LRRTM4: variants seen among roughly 807,000 people sequenced by gnomAD.
LRRTM4 encodes the protein leucine rich repeat transmembrane neuronal 4.
LRRTM4 carries 25 observed loss-of-function variants against 47.6 expected under a neutral mutation model. The ratio of observed to expected loss-of-function variants is 0.53; its 90% CI spans 0.38 to 0.73. The LOEUF (loss-of-function observed/expected upper bound fraction) is 0.73, where lower values mean the gene tolerates loss of function less well. Among genes scored for constraint, LRRTM4 ranks in the 30% least tolerant of loss-of-function variants. The pLI is 0.00. For synonymous variants in LRRTM4, 311 were observed against 269.5 expected (o/e 1.15, Z -1.51); for missense variants, 638 against 713.4 (o/e 0.89, Z 1.20).
chr2:76,872,736 A>T (rs909193728), intron 3 of LRRTM4, among the ~76,000 whole-genome samples: 3 of 152,018 alleles, frequency 2.0e-5, no homozygotes, highest in Non-Finnish European at 4.4e-5. Context: ...CTAATGTAGG[A>T]GGTGAGACCT....
intron 3 of LRRTM4, among the ~76,000 whole-genome samples, chr2:77,256,902 A>G (rs1256696078): frequency 6.6e-6 from 1 of 152,112 alleles, no homozygotes; most frequent in Non-Finnish European, 1.5e-5. Context: ...AACAGACACA[A>G]AAACCCTTAA....
chr2:77,080,236 T>C (rs190461228), intron 3 of LRRTM4, among the ~76,000 whole-genome samples: 4 of 152,324 alleles, frequency 2.6e-5, no homozygotes, highest in Admixed American at 2.0e-4. Flanking sequence ...TACATCTGAT[T>C]TCCCCCTTAC....
intron 3 of LRRTM4, among the ~76,000 whole-genome samples, chr2:77,500,347 A>T (rs553184211): frequency 6.6e-6 from 1 of 151,916 alleles, no homozygotes; most frequent in East Asian, 1.9e-4. Flanking sequence ...ATGGGAAAAA[A>T]TGTATTATTT....
intron 3 of LRRTM4, among the ~76,000 whole-genome samples, chr2:76,905,108 G>C (rs893657269): frequency 6.6e-6 from 1 of 152,122 alleles, no homozygotes; most frequent in Non-Finnish European, 1.5e-5. Context: ...CCCAGTAGGG[G>C]CAGACTGACA....
chr2:76,875,685 A>G (rs1175761770), intron 3 of LRRTM4, among the ~76,000 whole-genome samples: 1 of 152,186 alleles, frequency 6.6e-6, no homozygotes, highest in Non-Finnish European at 1.5e-5. Flanking sequence ...GAACTATCTT[A>G]ATACCTAATT....
At chr2:77,059,648 G>A (rs936785141) in intron 3 of LRRTM4, among the ~76,000 whole-genome samples, 1 of 152,110 alleles carries the variant, frequency 6.6e-6, no homozygotes, top group Non-Finnish European at 1.5e-5. Flanking sequence ...TCTGTTATGG[G>A]CATGTTCTGT....
chr2:77,461,792 G>A (rs1676797851), intron 3 of LRRTM4, among the ~76,000 whole-genome samples: 1 of 152,030 alleles, frequency 6.6e-6, no homozygotes, highest in African/African-American at 2.4e-5. Flanking sequence ...TGGGAATACT[G>A]AATTACACTG....
intron 3 of LRRTM4, among the ~76,000 whole-genome samples, chr2:77,169,349 A>T (rs1461632683): frequency 6.6e-6 from 1 of 152,068 alleles, no homozygotes; most frequent in East Asian, 1.9e-4. Context: ...CTATTTTTGA[A>T]TTTTTTTAGA....
intron 3 of LRRTM4, among the ~76,000 whole-genome samples, chr2:77,076,508 A>G (rs1050745510): frequency 8.5e-5 from 13 of 152,178 alleles, no homozygotes; most frequent in African/African-American, 2.7e-4. Flanking sequence ...AACTGTCACG[A>G]TAATGAGAAG....
chr2:76,925,959 A>G (rs577541233), intron 3 of LRRTM4, among the ~76,000 whole-genome samples: 30 of 152,262 alleles, frequency 2.0e-4, no homozygotes, highest in African/African-American at 6.7e-4. Context: ...TCCTCTTTTA[A>G]AAGTAATATT....
chr2:77,126,581 G>A (rs1302945930), intron 3 of LRRTM4, among the ~76,000 whole-genome samples: 1 of 152,102 alleles, frequency 6.6e-6, no homozygotes, highest in Non-Finnish European at 1.5e-5. Flanking sequence ...TTCCCTTCAT[G>A]GGAAATCAAT....
chr2:77,436,417 T>G (rs996000168), intron 3 of LRRTM4, among the ~76,000 whole-genome samples: 1 of 151,944 alleles, frequency 6.6e-6, no homozygotes, highest in African/African-American at 2.4e-5. Flanking sequence ...AAATTAATTA[T>G]ATGTGATTTT....
In LRRTM4 at chr2:77,519,667, A is replaced by G. The variant is rs765386336; in HGVS notation, c.202T>C (p.Leu68=). The G allele has an allele frequency of 1.2e-6, 2 of 1,613,450 alleles. No homozygotes were observed. Among genetic ancestry groups the G allele is most frequent in the South Asian group, 1.1e-5 (1 of 91,074 alleles). Residue 68 remains leucine, a synonymous_variant, in exon 3 of 4, where the codon TTA becomes CTA. Transcript: ENST00000409884. The surrounding 1 kb of genome is among the most constrained non-coding windows in gnomAD (Gnocchi z 4.6). ...NISGGSQGLS[L]RFNSIQKLKS... ...AGCTTCTGAATGCTGTTGAACCTTA[A>G]TGATAAGCCTTGTGACCCTCCAGAA... is the stretch of plus-strand genomic sequence containing the variant.
At chr2:76,913,025 C>T (rs1488468229) in intron 3 of LRRTM4, among the ~76,000 whole-genome samples, 2 of 152,126 alleles carry the variant, frequency 1.3e-5, no homozygotes, top group Non-Finnish European at 2.9e-5. Context: ...ATATAGGGGT[C>T]CATTTTCCTA....
At position 77,356,480 on chromosome 2, in the gene LRRTM4, A is replaced by T. The variant is rs78146621; in HGVS notation, c.1551+161838T>A. Among the ~76,000 whole-genome samples, 24 of 152,332 alleles carry T rather than the reference A, an allele frequency of 1.6e-4. No homozygotes were observed. The East Asian group carries it at 4.6e-3, about 29-fold the overall frequency. On this transcript the variant is annotated intron_variant, in intron 3 of 3. Coordinates refer to ENST00000409884, the MANE Select transcript of LRRTM4 (RefSeq NM_001134745.3). ...ACCTCAGAGTTAGAAAAAATGCAGA[A>T]GTATCAAAGGGAACAGAAGTATCAA...
chr2:76,875,233 T>C (rs1350384035), intron 3 of LRRTM4, among the ~76,000 whole-genome samples: 1 of 152,148 alleles, frequency 6.6e-6, no homozygotes, highest in East Asian at 1.9e-4. Context: ...TAATCATTTC[T>C]GTGGTAAGAT....
chr2:76,911,207 C>T (rs1052578373), intron 3 of LRRTM4, among the ~76,000 whole-genome samples: 2 of 152,048 alleles, frequency 1.3e-5, no homozygotes, highest in Non-Finnish European at 2.9e-5. Context: ...AAAAGGAAAC[C>T]TTTGACAAGA....
At chr2:76,957,840 TATG>T (rs1217030867) in intron 3 of LRRTM4, among the ~76,000 whole-genome samples, 2 of 151,728 alleles carry the variant, frequency 1.3e-5, no homozygotes, top group Non-Finnish European at 2.9e-5. Flanking sequence ...CATATGTGCT[TATG>T]ATATGGTTTG....
At chr2:77,184,610 C>T (rs1429188436) in intron 3 of LRRTM4, among the ~76,000 whole-genome samples, 2 of 152,096 alleles carry the variant, frequency 1.3e-5, no homozygotes, top group African/African-American at 2.4e-5. Context: ...CAAAGGAGTT[C>T]GAGTTTGTCC....
Sources: allele counts gnomAD v4.1 joint callset (sites outside exome capture counted in the v4.1 genomes callset), GRCh38; gene constraint gnomAD v4.1.1; non-coding constraint Gnocchi (gnomAD v3.1); transcripts MANE v1.5; gene names NCBI Gene and HGNC (gene_info 2026-07-23, HGNC 2026-07-21).